Variants in RNGTT observed in about 807,000 individuals in gnomAD.
RNGTT encodes the protein RNA guanylyltransferase and 5'-phosphatase.
A neutral mutation model predicts 79.3 loss-of-function variants in RNGTT; 33 were observed. The observed-to-expected ratio is 0.42, with a 90% CI of 0.32 to 0.56. The LOEUF is 0.56. Among genes scored for constraint, RNGTT ranks in the 20% least tolerant of loss-of-function variants. The pLI, the probability that RNGTT is intolerant of heterozygous loss-of-function variation, is 0.17. For missense variants in RNGTT, 497 were observed against 739.1 expected (o/e 0.67, Z 3.80); for synonymous variants, 222 against 235.9 (o/e 0.94, Z 0.54).
At chr6:88,770,735 G>C (rs1397451308) in intron 12 of RNGTT, among the ~76,000 whole-genome samples, 1 of 152,160 alleles carries the variant, frequency 6.6e-6, no homozygotes, top group Non-Finnish European at 1.5e-5. Flanking sequence ...ATTCCTACCA[G>C]AAATGAATGA....
chr6:88,799,473 C>T (rs548843247), intron 12 of RNGTT, among the ~76,000 whole-genome samples: 99 of 151,954 alleles, frequency 6.5e-4, no homozygotes, highest in African/African-American at 2.1e-3. Context: ...CCAAGGTAGG[C>T]GGATCACCTG....
chr6:88,936,068 C>CA (rs1489075238), intron 2 of RNGTT, among the ~76,000 whole-genome samples: 1 of 152,174 alleles, frequency 6.6e-6, no homozygotes, highest in Non-Finnish European at 1.5e-5. Flanking sequence ...TAGAAGAACA[C>CA]ACCATTGTGC....
intron 11 of RNGTT, among the ~76,000 whole-genome samples, chr6:88,829,091 T>C (rs944985869): frequency 6.6e-6 from 1 of 152,044 alleles, no homozygotes; most frequent in Non-Finnish European, 1.5e-5. Context: ...ATCATCAGAT[T>C]CACCAAGGCT....
intron 11 of RNGTT, among the ~76,000 whole-genome samples, chr6:88,819,937 A>G (rs1038120737): frequency 6.6e-6 from 1 of 152,096 alleles, no homozygotes; most frequent in Admixed American, 6.6e-5. Context: ...GAAACATTTC[A>G]CGAACATTCT....
intron 13 of RNGTT, among the ~76,000 whole-genome samples, chr6:88,725,752 A>AC (rs1776876365): frequency 6.6e-6 from 1 of 151,356 alleles, no homozygotes; most frequent in African/African-American, 2.4e-5. Context: ...AATATTCAGA[A>AC]CCCCCCTTTC....
chr6:88,791,911 T>TA (rs1295524220), intron 12 of RNGTT, among the ~76,000 whole-genome samples: 1 of 152,266 alleles, frequency 6.6e-6, no homozygotes, highest in South Asian at 2.1e-4. Flanking sequence ...TCTAAAAATC[T>TA]AAAAAATATA....
intron 13 of RNGTT, among the ~76,000 whole-genome samples, chr6:88,692,251 A>C (rs1477918306): frequency 1.3e-5 from 2 of 152,114 alleles, no homozygotes; most frequent in African/African-American, 4.8e-5. Flanking sequence ...ATGCAAGCCT[A>C]TACACCCTAA....
At chr6:88,672,101 T>A (rs995885920) in intron 14 of RNGTT, among the ~76,000 whole-genome samples, 4 of 151,586 alleles carry the variant, frequency 2.6e-5, no homozygotes, top group African/African-American at 9.7e-5. Flanking sequence ...AAAACAAAAA[T>A]AAACAGAAGG....
intron 4 of RNGTT, among the ~76,000 whole-genome samples, chr6:88,925,576 C>T (rs1370233379): frequency 4.0e-5 from 6 of 148,660 alleles, no homozygotes; most frequent in Non-Finnish European, 7.4e-5. Flanking sequence ...CTGGGCAATA[C>T]GGCAAGACCT....
chr6:88,765,003 T>A (rs1012115629), intron 13 of RNGTT, among the ~76,000 whole-genome samples: 1 of 151,936 alleles, frequency 6.6e-6, no homozygotes, highest in Non-Finnish European at 1.5e-5. Flanking sequence ...CCATCCTGGC[T>A]AACACGGTGA....
chr6:88,800,707 T>C (rs1283602762), intron 12 of RNGTT, among the ~76,000 whole-genome samples: 2 of 152,228 alleles, frequency 1.3e-5, no homozygotes, highest in Non-Finnish European at 2.9e-5. Flanking sequence ...GAGCTGCATC[T>C]GTGAAACTTC....
intron 11 of RNGTT, among the ~76,000 whole-genome samples, chr6:88,832,264 C>G (rs913939531): frequency 6.6e-6 from 1 of 152,134 alleles, no homozygotes; most frequent in Non-Finnish European, 1.5e-5. Context: ...TGGAACAGAA[C>G]AGAGGCCTCA....
chr6:88,747,929 G>C (rs1777716883), intron 13 of RNGTT, among the ~76,000 whole-genome samples: 1 of 152,092 alleles, frequency 6.6e-6, no homozygotes, highest in African/African-American at 2.4e-5. Context: ...ATTTCTCAAG[G>C]CTAGCTATCA....
chr6:88,953,675 G>T (rs1049685037), intron 1 of RNGTT, among the ~76,000 whole-genome samples: 6 of 152,140 alleles, frequency 3.9e-5, no homozygotes, highest in African/African-American at 1.4e-4. Flanking sequence ...TAGTTATCAG[G>T]TTATCTAAAG....
chr6:88,679,036 C>G (rs1774989805), intron 13 of RNGTT, among the ~76,000 whole-genome samples: 1 of 152,068 alleles, frequency 6.6e-6, no homozygotes, highest in East Asian at 1.9e-4. Context: ...AGACTAACCC[C>G]TCTTCCTCCT....
At chr6:88,662,674 G>A (rs1774232109) in intron 14 of RNGTT, among the ~76,000 whole-genome samples, 1 of 152,238 alleles carries the variant, frequency 6.6e-6, no homozygotes, top group Admixed American at 6.5e-5. Flanking sequence ...CTGCCCTGTG[G>A]AGCATCCCTG....
chr6:88,791,731 G>A (rs932590040), intron 12 of RNGTT, among the ~76,000 whole-genome samples: 37 of 152,118 alleles, frequency 2.4e-4, no homozygotes, highest in Admixed American at 7.2e-4. Flanking sequence ...AGTAGAGACA[G>A]GGTTTCACCA....
intron 13 of RNGTT, among the ~76,000 whole-genome samples, chr6:88,723,238 TA>T (rs1232276520): frequency 2.0e-5 from 3 of 152,192 alleles, no homozygotes; most frequent in African/African-American, 2.4e-5. Flanking sequence ...CTATATAGCC[TA>T]GGCTAATGTG....
At chr6:88,740,258 C>CT (rs1777439624) in intron 13 of RNGTT, among the ~76,000 whole-genome samples, 1 of 152,112 alleles carries the variant, frequency 6.6e-6, no homozygotes, top group Non-Finnish European at 1.5e-5. Context: ...TGGCTCATGC[C>CT]TTTAATCCTA....
Sources: allele counts gnomAD v4.1 joint callset (sites outside exome capture counted in the v4.1 genomes callset), GRCh38; gene constraint gnomAD v4.1.1; transcripts MANE v1.5; gene names NCBI Gene and HGNC (gene_info 2026-07-23, HGNC 2026-07-21).